Variants in POT1 observed in about 807,000 individuals in gnomAD.
POT1 encodes the protein protection of telomeres 1, also known as protection of telomeres protein 1.
Under a neutral mutation model 78.5 loss-of-function variants are expected in POT1, and 47 were observed. The observed-to-expected ratio is 0.60, with a 90% CI of 0.47 to 0.76. The LOEUF (loss-of-function observed/expected upper bound fraction) is 0.76. Among genes scored for constraint, POT1 ranks in the 30% least tolerant of loss-of-function variants. The probability of loss-of-function intolerance (pLI) is 0.00; values close to 1 mark genes in which losing one functional copy is unlikely to be tolerated. For missense variants in POT1, 646 were observed against 749.9 expected (o/e 0.86, Z 1.62); for synonymous variants, 259 against 260.7 (o/e 0.99, Z 0.06).
intron 14 of POT1, chr7:124,837,191 G>T: frequency 3.3e-6 from 1 of 301,890 alleles, no homozygotes; most frequent in Non-Finnish European, 6.5e-6. Context: ...TGTTTACAAA[G>T]GGGATATATC....
At chr7:124,837,477 T>A (rs771301626) in intron 14 of POT1, among the ~76,000 whole-genome samples, 37 of 152,076 alleles carry the variant, frequency 2.4e-4, no homozygotes, top group Admixed American at 5.9e-4. Flanking sequence ...ACACCTTAGA[T>A]AAAATGGTTC....
At chr7:124,845,257 C>T (rs2079368) in intron 12 of POT1, among the ~76,000 whole-genome samples, 60,652 of 152,000 alleles carry the variant, frequency 0.4, 12,228 homozygotes, top group East Asian at 0.5. Flanking sequence ...GACCATGTAT[C>T]ACATTTAATT....
intron 2 of POT1, among the ~76,000 whole-genome samples, chr7:124,925,780 T>C (rs554305996): frequency 9.9e-5 from 15 of 151,922 alleles, no homozygotes; most frequent in Admixed American, 9.2e-4. Context: ...TGGAACAAAA[T>C]AGAGAAACCA....
At chr7:124,898,462 T>G (rs1290304671) in intron 3 of POT1, 88 bp from the exon 4 acceptor site, 1 of 152,002 alleles carries the variant, frequency 6.6e-6, no homozygotes, top group Non-Finnish European at 1.5e-5. Context: ...TATTATTATG[T>G]TTAGAATAAA....
At chr7:124,844,837 A>T (rs1379050276) in intron 12 of POT1, among the ~76,000 whole-genome samples, 1 of 152,094 alleles carries the variant, frequency 6.6e-6, no homozygotes, top group Admixed American at 6.6e-5. Flanking sequence ...ATTTTAACCT[A>T]AAGTTTTTAA....
chr7:124,915,133 A>G (rs893168457), intron 3 of POT1, among the ~76,000 whole-genome samples: 2 of 152,282 alleles, frequency 1.3e-5, no homozygotes, highest in Middle Eastern at 3.4e-3. Context: ...TGTCTGATAT[A>G]TACTTAGTAG....
At chr7:124,839,151 A>G (rs974214215) in intron 14 of POT1, among the ~76,000 whole-genome samples, 1 of 152,210 alleles carries the variant, frequency 6.6e-6, no homozygotes, top group African/African-American at 2.4e-5. Context: ...AATTCACACA[A>G]ACTGGTTTGA....
At chr7:124,854,981 C>CAA (rs1235333491) in intron 9 of POT1, among the ~76,000 whole-genome samples, 1 of 151,366 alleles carries the variant, frequency 6.6e-6, no homozygotes, top group African/African-American at 2.4e-5. Context: ...TTTGATATTA[C>CAA]AAAAATGATA....
rs536053341 is a variant in POT1 at position 124,824,688 on chromosome 7, GCAAGTTT to G, written c.1792+557_1792+563del. ...AATTGTCTTAATATGACTTAGATCT[GCAAGTTT>G]CAACATAAGTACAAATATAGTCACA... On this transcript the variant is annotated intron_variant, in intron 18 of 18. Transcript: ENST00000357628. 1.1e-3 allele frequency among the ~76,000 whole-genome samples: 165 copies of G among 152,122 alleles called. 2 individuals are homozygous for G. The highest frequency in any genetic ancestry group is 1.7e-3 in the Non-Finnish European group (114 of 67,916).
At chr7:124,920,232 A>G (rs1797116768) in intron 2 of POT1, among the ~76,000 whole-genome samples, 1 of 152,188 alleles carries the variant, frequency 6.6e-6, no homozygotes, top group African/African-American at 2.4e-5. Flanking sequence ...AGGCTGCAAC[A>G]AAATTCTAAT....
At chr7:124,877,320 A>T (rs190577825) in intron 6 of POT1, among the ~76,000 whole-genome samples, 1 of 152,336 alleles carries the variant, frequency 6.6e-6, no homozygotes, top group Admixed American at 6.5e-5. Context: ...CAGATGAAGA[A>T]CATTTCCAGA....
intron 6 of POT1, among the ~76,000 whole-genome samples, chr7:124,889,612 A>C (rs1012832135): frequency 6.6e-6 from 1 of 151,778 alleles, no homozygotes; most frequent in African/African-American, 2.4e-5. Flanking sequence ...AAACAGGTTC[A>C]CTCTCTTGTG....
rs1794566930 is a variant in POT1, at chr7:124,823,898, A to C, written c.*64T>G. ...TTGCTGATACAAAACTCAGGTCAGGAAAAGAAGCTCAAACAGGGAAGGTGA... is the reference window on the plus strand; with the variant it reads ...TTGCTGATACAAAACTCAGGTCAGGCAAAGAAGCTCAAACAGGGAAGGTGA... On this transcript the variant is annotated 3_prime_UTR_variant, in exon 19 of 19. Coordinates refer to ENST00000357628, the MANE Select transcript of POT1 (RefSeq NM_015450.3). The C allele has an allele frequency of 4.7e-6, 5 of 1,060,398 alleles. No homozygotes were observed. The highest frequency in any genetic ancestry group is 2.0e-5 in the Admixed American group (1 of 51,164). 65.7% of individuals were successfully genotyped at this position (1,060,398 alleles called of 1,614,324 possible).
At chr7:124,827,102 T>G in intron 17 of POT1, 112 bp downstream of exon 17, 2 of 471,064 alleles carry the variant, frequency 4.2e-6, no homozygotes. Flanking sequence ...TTTACTTATA[T>G]TTTTAAGGTG....
In POT1 at chr7:124,881,419, GAAAC is replaced by G. The variant is rs1002066689; in HGVS notation, c.125-10382_125-10379del. Among the ~76,000 whole-genome samples the G allele has an allele frequency of 7.9e-5, 12 of 151,860 alleles. No individual in the cohort carries two copies. In the East Asian group the frequency reaches 1.9e-3, roughly 24 times the overall value. On this transcript the variant is annotated intron_variant, in intron 6 of 18. Transcript: ENST00000357628. The stretch of plus-strand genomic sequence containing the variant: ...TTAAATAAGTACATATTTATTAAAA[GAAAC>G]AAAATTCAGGTTAAGAGAACAAGTG...
intron 16 of POT1, among the ~76,000 whole-genome samples, chr7:124,828,121 A>G (rs1413778976): frequency 1.3e-5 from 2 of 152,196 alleles, no homozygotes; most frequent in Non-Finnish European, 1.5e-5. Flanking sequence ...AACTCATTGC[A>G]TGTTAGTTTT....
chr7:124,901,964 G>C (rs944532326), intron 3 of POT1, among the ~76,000 whole-genome samples: 1 of 152,060 alleles, frequency 6.6e-6, no homozygotes, highest in African/African-American at 2.4e-5. Flanking sequence ...ACTGAGAAGA[G>C]AAGTTTACAG....
Position 124,906,791 on chromosome 7 carries a change from A to G in POT1, c.-153-8417T>C, listed in dbSNP as rs114646243. Among the ~76,000 whole-genome samples the G allele has an allele frequency of 9.4e-3, 1,424 of 152,262 alleles. 24 individuals carry two copies. The highest frequency in any genetic ancestry group is 0.032 in the African/African-American group (1,328 of 41,568). ...AACTGAAGTACAGAACTAAACAAAG[A>G]GAAAAAATAAATGGCTCTTAGGATC... is the stretch of plus-strand genomic sequence containing the variant. On this transcript the variant is annotated intron_variant, in intron 3 of 18. Coordinates refer to ENST00000357628, the MANE Select transcript of POT1 (RefSeq NM_015450.3).
intron 2 of POT1, among the ~76,000 whole-genome samples, chr7:124,926,716 T>C (rs1468739026): frequency 6.6e-6 from 1 of 152,148 alleles, no homozygotes; most frequent in Non-Finnish European, 1.5e-5. Context: ...ATTTAAAAAG[T>C]CACATATGTA....
Sources: gnomAD v4.1 joint callset for allele counts (sites outside exome capture counted in the v4.1 genomes callset) on GRCh38, gnomAD v4.1.1 for gene constraint, MANE v1.5 for transcripts, NCBI Gene and HGNC (gene_info 2026-07-23, HGNC 2026-07-21) for gene names.